Variants in ZNF426 observed in about 807,000 individuals in gnomAD.
ZNF426 encodes the protein CTC-543D15.7.
A neutral mutation model predicts 24.0 loss-of-function variants in ZNF426; 23 were observed. The ratio of observed to expected loss-of-function variants is 0.96; its 90% CI spans 0.69 to 1.36. ZNF426 has a LOEUF of 1.36. ZNF426 is among the 40% of genes most tolerant of loss of function. The pLI, the probability that ZNF426 is intolerant of heterozygous loss-of-function variation, is 0.00. For missense variants in ZNF426, 646 were observed against 658.4 expected (o/e 0.98, Z 0.21); for synonymous variants, 272 against 224.6 (o/e 1.21, Z -1.89).
In ZNF426 at chr19:9,527,423, C is replaced by T. The variant is rs1056283256; in HGVS notation, c.*957G>A. 6.6e-6 allele frequency: 1 copy of T among 152,230 alleles called. No individual in the cohort carries two copies. The highest frequency in any genetic ancestry group is 1.5e-5 in the Non-Finnish European group (1 of 68,042). 9.4% of individuals were successfully genotyped at this position (152,230 alleles called of 1,614,324 possible). Reference sequence around the variant, plus strand: ...TTGCGTTCACAGTAAAAGAAACTTTCTTTCCTTTTTTCTCCTCTATTTTCA... The same window carrying T: ...TTGCGTTCACAGTAAAAGAAACTTTTTTTCCTTTTTTCTCCTCTATTTTCA... On this transcript the variant is annotated 3_prime_UTR_variant, in exon 8 of 8. Transcript: ENST00000253115.
In ZNF426 at chr19:9,529,043, T is replaced by C. The variant is rs2073839154; in HGVS notation, c.1002A>G (p.Lys334=). The change falls in exon 8 of 8, where the codon AAA becomes AAG. Residue 334 remains lysine (K), a synonymous_variant. Transcript: ENST00000253115. ...TCCCACATTCCTTACATACATAGGGTTTCTCTCCAGTGTGAGTTCTTCCAT... is the reference window on the plus strand; with the variant it reads ...TCCCACATTCCTTACATACATAGGGCTTCTCTCCAGTGTGAGTTCTTCCAT... ...QIHGRTHTGE[K]PYVCKECGKA... is the part of the protein sequence containing the mutation. 6.2e-7 allele frequency: 1 copy of C among 1,613,050 alleles called. No individual in the cohort carries two copies. Among genetic ancestry groups the C allele is most frequent in the East Asian group, 2.2e-5 (1 of 44,844 alleles).
chr19:9,529,680 A>G (rs1016566866), intron 7 of ZNF426, 44 bp from the exon 8 acceptor site: 14 of 1,534,468 alleles, frequency 9.1e-6, no homozygotes, highest in Non-Finnish European at 1.2e-5. Context: ...TCTCAAACAT[A>G]TTAACAGAAC....
In ZNF426 at chr19:9,527,051, T is replaced by C. The variant is rs1194177805; in HGVS notation, c.*1329A>G. The C allele has an allele frequency of 2.0e-5, 3 of 152,182 alleles. No individual in the cohort carries two copies. Among genetic ancestry groups the C allele is most frequent in the Admixed American group, 6.6e-5 (1 of 15,262 alleles). The allele number at this position is 152,182 out of a possible 1,614,324, so 9.4% of individuals were successfully genotyped here. A position where few individuals can be genotyped will look rare whatever the true frequency, so the allele number is the denominator to read the frequency against. The stretch of plus-strand genomic sequence containing the variant: ...AGTGAAATATAGTAATGATGGAAGG[T>C]CTGAGAGGGAGGATTTAGGATTATT... On this transcript the variant is annotated 3_prime_UTR_variant, in exon 8 of 8. Transcript: ENST00000253115.
rs751048192 is a variant in ZNF426 at position 9,535,281 on chromosome 19, T to G, written c.26-2A>C. On this transcript the variant is annotated splice_acceptor_variant, in intron 3 of 7. Coordinates refer to ENST00000253115, the MANE Select transcript of ZNF426 (RefSeq NM_024106.3). LOFTEE classifies it high-confidence loss of function. The stretch of plus-strand genomic sequence containing the variant: ...CTGGGTCCCCAGAAAGATAATGTCC[T>G]GTAAGAAAATGAAGGCAAGAGAACC... 6.2e-7 allele frequency: 1 copy of G among 1,611,480 alleles called. No individual in the cohort carries two copies. The highest frequency in any genetic ancestry group is 2.2e-5 in the East Asian group (1 of 44,782).
chr19:9,538,079 A>G (rs2073995400), intron 2 of ZNF426, among the ~76,000 whole-genome samples, 180 bp downstream of exon 2: 1 of 152,170 alleles, frequency 6.6e-6, no homozygotes, highest in Admixed American at 6.5e-5. Flanking sequence ...GTTTATATTC[A>G]CATACACAAA....
At position 9,533,979 on chromosome 19, in the gene ZNF426, A is replaced by G; in HGVS notation, c.118-13T>C. ...AGGTCACTGAATCCTAAAGCATCAC[A>G]CACATGCTGGTTGGAGCCAAGTAAC... is the stretch of plus-strand genomic sequence containing the variant. On this transcript the variant is annotated splice_polypyrimidine_tract_variant and intron_variant, in intron 4 of 7. Transcript: ENST00000253115. 1 of 1,611,174 alleles carries G rather than the reference A, an allele frequency of 6.2e-7. No homozygotes were observed. Among genetic ancestry groups the G allele is most frequent in the South Asian group, 1.1e-5 (1 of 90,752 alleles).
At chr19:9,530,848 G>T in intron 7 of ZNF426, 137 bp downstream of exon 7, 1 of 645,202 alleles carries the variant, frequency 1.5e-6, no homozygotes, top group South Asian at 1.9e-5. Flanking sequence ...CACAATTGGA[G>T]CATCCCTAAA....
chr19:9,530,413 C>T (rs1240651666), intron 7 of ZNF426, among the ~76,000 whole-genome samples: 1 of 151,296 alleles, frequency 6.6e-6, no homozygotes, highest in Admixed American at 6.6e-5. Flanking sequence ...ATGTTTGTGC[C>T]ACTGCAATCC....
intron 3 of ZNF426, among the ~76,000 whole-genome samples, chr19:9,536,002 T>C (rs1458933592): frequency 6.6e-6 from 1 of 152,184 alleles, no homozygotes; most frequent in Non-Finnish European, 1.5e-5. Context: ...GACTCTATCA[T>C]GCTGATTAGA....
In ZNF426 at chr19:9,528,981, A is replaced by ACATG. The variant is rs775292765; in HGVS notation, c.1060_1063dup (p.Val355AlafsTer12). ...GGGCTTGTCTCCACTGTGAGATCGT[A>ACATG]CATGCATACTAAGGCCCGAGTACTG... On this transcript the variant is annotated frameshift_variant, in exon 8 of 8. Transcript: ENST00000253115. LOFTEE classifies it low-confidence loss of function (END_TRUNC). 5.6e-6 allele frequency: 9 copies of ACATG among 1,613,604 alleles called. 1 individual carries two copies. The South Asian group carries it at 9.9e-5, about 18-fold the overall frequency.
rs766406474 is a variant in ZNF426, at chr19:9,528,978, C to G, written c.1067G>C (p.Arg356Pro). Residue 356 changes from arginine (R) to proline (P), a missense_variant, in exon 8 of 8, where the codon CGA (arginine) becomes CCA (proline). Arg to Pro is a moderately radical substitution (Grantham distance 103). Coordinates refer to ENST00000253115, the MANE Select transcript of ZNF426 (RefSeq NM_024106.3). ...TQYSGLSMHVRSHSGDKPYEC... is the reference protein window; with the variant it reads ...TQYSGLSMHVPSHSGDKPYEC... ...ATAGGGCTTGTCTCCACTGTGAGAT[C>G]GTACATGCATACTAAGGCCCGAGTA... 1 of 1,613,826 alleles carries G rather than the reference C, an allele frequency of 6.2e-7. No homozygotes were observed. Among genetic ancestry groups the G allele is most frequent in the Non-Finnish European group, 8.5e-7 (1 of 1,179,920 alleles).
chr19:9,532,838 C>A lies in ZNF426; in HGVS notation c.325+7G>T. Reference sequence around the variant, plus strand: ...ATCAACCAGAGTTGTTCTTCATGAACACTCACCTTGGAGAACTCCTCCCTG... The same window carrying A: ...ATCAACCAGAGTTGTTCTTCATGAAAACTCACCTTGGAGAACTCCTCCCTG... On this transcript the variant is annotated splice_region_variant and intron_variant, in intron 6 of 7. Coordinates refer to ENST00000253115, the MANE Select transcript of ZNF426 (RefSeq NM_024106.3). The A allele has an allele frequency of 6.2e-7, 1 of 1,607,484 alleles. No individual in the cohort carries two copies. The highest frequency in any genetic ancestry group is 2.2e-5 in the East Asian group (1 of 44,832).
intron 4 of ZNF426, among the ~76,000 whole-genome samples, chr19:9,534,711 C>T (rs1388087020): frequency 6.6e-6 from 1 of 152,100 alleles, no homozygotes; most frequent in Non-Finnish European, 1.5e-5. Context: ...CCTCCCACTT[C>T]AGCCTCCAAA....
At chr19:9,532,387 C>G (rs77163273) in intron 6 of ZNF426, among the ~76,000 whole-genome samples, 1 of 150,174 alleles carries the variant, frequency 6.7e-6, no homozygotes, top group Non-Finnish European at 1.5e-5. Flanking sequence ...GCCTTGACCT[C>G]CTAGTCTCAA....
Position 9,524,222 on chromosome 19 carries a change from T to C in ZNF426, c.*4158A>G, listed in dbSNP as rs969391863. On this transcript the variant is annotated 3_prime_UTR_variant, in exon 8 of 8. Transcript: ENST00000253115. Reference sequence around the variant, plus strand: ...TTTTCTCCTAGTGGGAGTTTTGTGGTATCAGTCCTATGGATTAAATGAAGC... The same window carrying C: ...TTTTCTCCTAGTGGGAGTTTTGTGGCATCAGTCCTATGGATTAAATGAAGC... 4.6e-5 allele frequency: 7 copies of C among 152,248 alleles called. No individual in the cohort carries two copies. The highest frequency in any genetic ancestry group is 6.5e-5 in the Admixed American group (1 of 15,282). 9.4% of individuals were successfully genotyped at this position (152,248 alleles called of 1,614,324 possible). A position where few individuals can be genotyped will look rare whatever the true frequency, so the allele number is the denominator to read the frequency against.
intron 6 of ZNF426, among the ~76,000 whole-genome samples, chr19:9,532,355 G>A (rs994557142): frequency 4.7e-5 from 7 of 147,386 alleles, no homozygotes; most frequent in African/African-American, 1.8e-4. Flanking sequence ...GGAGTACAGT[G>A]GTGCAATCAC....
Position 9,529,278 on chromosome 19 carries a change from T to G in ZNF426, c.767A>C (p.Asn256Thr), listed in dbSNP as rs1568482761. The G allele has an allele frequency of 1.2e-6, 2 of 1,613,892 alleles. No homozygotes were observed. Among genetic ancestry groups the G allele is most frequent in the Non-Finnish European group, 8.5e-7 (1 of 1,179,932 alleles). Residue 256 changes from asparagine to threonine, a missense_variant, in exon 8 of 8, where the codon AAT (asparagine) becomes ACT (threonine). Physicochemically the swap from Asn to Thr is moderately conservative, Grantham distance 65. Transcript: ENST00000253115. ...AGAGTCAATAAAACCTGGCCCATAA[T>G]TCCTCCATTCGTAGAGTTTTTCTCC... ...HNGEKLYEWRNYGPGFIDSTS... is the reference protein window; with the variant it reads ...HNGEKLYEWRTYGPGFIDSTS...
At position 9,532,904 on chromosome 19, in the gene ZNF426, C is replaced by T. The variant is rs2073908438; in HGVS notation, c.266G>A (p.Ser89Asn). 1 of 1,614,014 alleles carries T rather than the reference C, an allele frequency of 6.2e-7. No homozygotes were observed. The highest frequency in any genetic ancestry group is 8.5e-7 in the Non-Finnish European group (1 of 1,179,952). Reference sequence around the variant, plus strand: ...TTCTTGTTCCAACCAAGAGATTAGACTGGGTTTGATGATCTGACCTCCTGA... The same window carrying T: ...TTCTTGTTCCAACCAAGAGATTAGATTGGGTTTGATGATCTGACCTCCTGA... ...ATVGGQIIKP[S>N]LISWLEQEES... Residue 89 changes from serine (S) to asparagine (N), a missense_variant, in exon 6 of 8, where the codon AGT (serine) becomes AAT (asparagine). Physicochemically the swap from Ser to Asn is conservative, Grantham distance 46. Transcript: ENST00000253115.
rs199600316 is a variant in ZNF426, at chr19:9,528,026, T to C, written c.*354A>G. On this transcript the variant is annotated 3_prime_UTR_variant, in exon 8 of 8. Transcript: ENST00000253115. ...TTTTTTGAGATGGAGTCTCACTCCA[T>C]CGCCCAGGCTGGAGTGCAGTGGCAT... is the stretch of plus-strand genomic sequence containing the variant. The C allele has an allele frequency of 7.5e-5, 12 of 159,242 alleles. No individual in the cohort carries two copies. The East Asian group carries it at 2.2e-3, about 29-fold the overall frequency. 9.9% of individuals were successfully genotyped at this position (159,242 alleles called of 1,614,324 possible).
Sources: allele counts gnomAD v4.1 joint callset (sites outside exome capture counted in the v4.1 genomes callset), GRCh38; gene constraint gnomAD v4.1.1; transcripts MANE v1.5; gene names NCBI Gene and HGNC (gene_info 2026-07-23, HGNC 2026-07-21).